The following SDK1 variants were observed in gnomAD, a reference collection of about 807,000 sequenced individuals.
SDK1 encodes protein sidekick-1.
A neutral mutation model predicts 245.5 loss-of-function variants in SDK1; 157 were observed. The ratio of observed to expected loss-of-function variants is 0.64; its 90% CI spans 0.56 to 0.73. The LOEUF is 0.73. Among genes scored for constraint, SDK1 ranks in the 30% least tolerant of loss-of-function variants. The pLI, the probability that SDK1 is intolerant of heterozygous loss-of-function variation, is 0.00. For synonymous variants in SDK1, 1,647 were observed against 1,278.5 expected (o/e 1.29, Z -6.15); for missense variants, 3,583 against 3,002.3 (o/e 1.19, Z -4.52).
chr7:3,642,097 C>T lies in SDK1; in HGVS notation c.705C>T (p.Ser235=), dbSNP rs750349643. 3 of 1,613,942 alleles carry T rather than the reference C, an allele frequency of 1.9e-6. No homozygotes were observed. Among genetic ancestry groups the T allele is most frequent in the Non-Finnish European group, 2.5e-6 (3 of 1,179,942 alleles). The stretch of plus-strand genomic sequence containing the variant: ...GAGAAGGGCACAAGATTATTCCAAG[C>T]AACAGAATGTAAGTTGCTCCAAACG... ...WFREGHKIIP[S]NRIAITLENQ... is the part of the protein sequence containing the mutation. The change falls in exon 4 of 45, where the codon AGC becomes AGT. Residue 235 remains serine (S), a synonymous_variant. Coordinates refer to ENST00000404826, the MANE Select transcript of SDK1 (RefSeq NM_152744.4).
intron 1 of SDK1, among the ~76,000 whole-genome samples, chr7:3,506,423 T>G (rs958964716): frequency 1.3e-5 from 2 of 152,190 alleles, no homozygotes; most frequent in African/African-American, 4.8e-5. Flanking sequence ...ATCAGGAATT[T>G]TCTTTGTTAT....
chr7:3,630,160 T>C (rs537996398), intron 2 of SDK1, among the ~76,000 whole-genome samples: 1 of 152,232 alleles, frequency 6.6e-6, no homozygotes, highest in East Asian at 1.9e-4. Context: ...GCCTAATAGA[T>C]GTGTAGTTGG....
rs533591067 is a variant in SDK1, at chr7:3,399,304, C to T, written c.298+97420C>T. On this transcript the variant is annotated intron_variant, in intron 1 of 44. Transcript: ENST00000404826. ...CAATTCCAGAGTTTTAATTTTGTTC[C>T]TTTTTGTGATGTCTGTCTCTTTCTT... Among the ~76,000 whole-genome samples, 245 of 151,802 alleles carry T rather than the reference C, an allele frequency of 1.6e-3. 1 individual carries two copies. The highest frequency in any genetic ancestry group is 5.7e-3 in the African/African-American group (238 of 41,426).
At chr7:3,824,384 C>T (rs1449617425) in intron 5 of SDK1, among the ~76,000 whole-genome samples, 1 of 152,144 alleles carries the variant, frequency 6.6e-6, no homozygotes, top group African/African-American at 2.4e-5. Context: ...TACATTTTTG[C>T]TTGCTGTCGG....
intron 12 of SDK1, among the ~76,000 whole-genome samples, chr7:3,972,194 C>G (rs764320028): frequency 4.2e-4 from 64 of 151,768 alleles, no homozygotes; most frequent in Non-Finnish European, 7.5e-4. Flanking sequence ...ATTGTCCTGC[C>G]TCAGCCTCCC....
At chr7:3,335,738 A>T (rs970581411) in intron 1 of SDK1, among the ~76,000 whole-genome samples, 5 of 151,514 alleles carry the variant, frequency 3.3e-5, no homozygotes, top group African/African-American at 9.7e-5. Flanking sequence ...TAGTAATCCA[A>T]CCAGACCAGT....
chr7:3,916,865 A>G (rs187365777), intron 5 of SDK1, among the ~76,000 whole-genome samples: 228 of 152,330 alleles, frequency 1.5e-3, no homozygotes, highest in African/African-American at 5.2e-3. Flanking sequence ...AGATGGATGG[A>G]TGGATAGATA....
At chr7:3,495,311 G>C (rs913630366) in intron 1 of SDK1, among the ~76,000 whole-genome samples, 23 of 144,324 alleles carry the variant, frequency 1.6e-4, no homozygotes, top group African/African-American at 5.5e-4. Context: ...AGGCTGGAGT[G>C]CAGTGTTGCA....
intron 17 of SDK1, among the ~76,000 whole-genome samples, chr7:4,017,991 G>T (rs545182488): frequency 1.1e-3 from 174 of 152,248 alleles, no homozygotes; most frequent in African/African-American, 3.9e-3. Context: ...TTTTCTGAAA[G>T]ATTCAGATCT....
chr7:3,320,577 A>G (rs551690334), intron 1 of SDK1, among the ~76,000 whole-genome samples: 1 of 152,294 alleles, frequency 6.6e-6, no homozygotes, highest in South Asian at 2.1e-4. Context: ...TCAGAAATCA[A>G]ACTAAATCCA....
At chr7:3,516,456 G>A (rs931211531) in intron 1 of SDK1, among the ~76,000 whole-genome samples, 4 of 151,958 alleles carry the variant, frequency 2.6e-5, no homozygotes, top group Non-Finnish European at 2.9e-5. Flanking sequence ...GAAAGTATAG[G>A]TAATTTTTAG....
intron 1 of SDK1, among the ~76,000 whole-genome samples, chr7:3,546,358 C>CGGAA (rs1779225443): frequency 6.6e-6 from 1 of 152,180 alleles, no homozygotes; most frequent in Non-Finnish European, 1.5e-5. Context: ...CCTCTGTTTC[C>CGGAA]ACCTTGTGGA....
intron 32 of SDK1, among the ~76,000 whole-genome samples, chr7:4,172,050 T>A (rs1781875264): frequency 6.6e-6 from 1 of 152,020 alleles, no homozygotes; most frequent in Non-Finnish European, 1.5e-5. Context: ...AGGGTGTGGG[T>A]TTGCAGGGCC....
intron 22 of SDK1, among the ~76,000 whole-genome samples, chr7:4,083,700 C>CCCTCCCTTCTTTACTTCCTCCCTCCCTT (rs1781228498): frequency 1.0e-5 from 1 of 97,136 alleles, no homozygotes; most frequent in African/African-American, 4.5e-5. Flanking sequence ...TTCCCTCCCT[C>CCCTCCCTTCTTTACTTCCTCCCTCCCTT]CTTTACTTCC....
At chr7:3,686,310 G>C (rs998696076) in intron 4 of SDK1, among the ~76,000 whole-genome samples, 1 of 152,118 alleles carries the variant, frequency 6.6e-6, no homozygotes, top group Admixed American at 6.5e-5. Context: ...TCCTGACCTC[G>C]GGTGATCCAC....
intron 3 of SDK1, among the ~76,000 whole-genome samples, chr7:3,641,289 T>C (rs919872130): frequency 6.6e-6 from 1 of 152,312 alleles, no homozygotes; most frequent in East Asian, 1.9e-4. Context: ...TTTTCAAATG[T>C]TACAAATTTT....
intron 42 of SDK1, among the ~76,000 whole-genome samples, chr7:4,239,725 G>A (rs111457577): frequency 0.016 from 2,425 of 152,308 alleles, 52 homozygotes; most frequent in African/African-American, 0.055. Flanking sequence ...GCCCAGGAAT[G>A]TGGTCACTTC....
At chr7:3,961,735 T>C (rs1379271062) in intron 8 of SDK1, among the ~76,000 whole-genome samples, 4 of 152,232 alleles carry the variant, frequency 2.6e-5, no homozygotes, top group Admixed American at 2.6e-4. Flanking sequence ...AAGATGGCAC[T>C]CATTTTCATT....
chr7:3,344,449 A>T (rs984670370), intron 1 of SDK1, among the ~76,000 whole-genome samples: 2 of 152,140 alleles, frequency 1.3e-5, no homozygotes, highest in Non-Finnish European at 2.9e-5. Flanking sequence ...AGTGGCAGTT[A>T]TTAGCTTTTG....
Sources: allele counts gnomAD v4.1 joint callset (sites outside exome capture counted in the v4.1 genomes callset), GRCh38; gene constraint gnomAD v4.1.1; transcripts MANE v1.5; gene names NCBI Gene and HGNC (gene_info 2026-07-23, HGNC 2026-07-21).